Variants in RPS6KC1 observed in about 807,000 individuals in gnomAD.
RPS6KC1 encodes the protein inactive ribosomal protein S6 kinase delta-1.
RPS6KC1 carries 54 observed loss-of-function variants against 103.8 expected under a neutral mutation model. The observed-to-expected ratio is 0.52, with a 90% confidence interval of 0.42 to 0.65. The LOEUF is 0.65. RPS6KC1 is among the 30% of genes least tolerant of loss of function. The probability of loss-of-function intolerance (pLI) is 0.00; values close to 1 mark genes in which losing one functional copy is unlikely to be tolerated. For synonymous variants in RPS6KC1, 439 were observed against 438.7 expected (o/e 1.00, Z -0.01); for missense variants, 1,151 against 1,253.8 (o/e 0.92, Z 1.24).
chr1:213,401,491 G>T, the RPS6KC1 span, among the ~76,000 whole-genome samples: 1 of 152,222 alleles, frequency 6.6e-6, no homozygotes, highest in Admixed American at 6.5e-5. Flanking sequence ...GGCCGGTGGA[G>T]TGTGCTGTCT....
At chr1:213,536,851 A>G in the RPS6KC1 span, among the ~76,000 whole-genome samples, 5 of 152,308 alleles carry the variant, frequency 3.3e-5, no homozygotes, top group Admixed American at 3.3e-4. Context: ...CGAAGGAGAC[A>G]TGGCGTTTTA....
the RPS6KC1 span, among the ~76,000 whole-genome samples, chr1:213,293,997 A>C: frequency 6.6e-6 from 1 of 152,196 alleles, no homozygotes; most frequent in African/African-American, 2.4e-5. Flanking sequence ...CTTTGTTTAT[A>C]CTGAGCTTGA....
At chr1:213,311,020 C>T in the RPS6KC1 span, among the ~76,000 whole-genome samples, 5 of 152,194 alleles carry the variant, frequency 3.3e-5, no homozygotes, top group African/African-American at 1.2e-4. Context: ...GACACTCGTT[C>T]AGAGCCTCAG....
At chr1:213,819,763 TACC>T in the RPS6KC1 span, 1 of 152,360 alleles carries the variant, frequency 6.6e-6, no homozygotes, top group African/African-American at 2.4e-5. Flanking sequence ...ATTACTGAAA[TACC>T]ACCAAGCCTT....
At chr1:213,361,358 G>T in the RPS6KC1 span, among the ~76,000 whole-genome samples, 173 of 152,372 alleles carry the variant, frequency 1.1e-3, 2 homozygotes, top group East Asian at 0.026. Context: ...CTCTGAACCA[G>T]GAGCGGGATA....
intron 10 of RPS6KC1, among the ~76,000 whole-genome samples, chr1:213,232,766 G>C (rs1017102850): frequency 1.3e-5 from 2 of 152,148 alleles, no homozygotes; most frequent in Non-Finnish European, 1.5e-5. Flanking sequence ...CAAAGCAGAG[G>C]CACAGTTCTC....
intron 3 of RPS6KC1, among the ~76,000 whole-genome samples, chr1:213,091,059 G>A (rs544471386): frequency 9.6e-4 from 146 of 151,864 alleles, no homozygotes; most frequent in Non-Finnish European, 1.7e-3. Flanking sequence ...GAAAAAGGGA[G>A]GAGTGTTTTT....
intron 8 of RPS6KC1, among the ~76,000 whole-genome samples, chr1:213,195,566 C>T (rs2092914402): frequency 6.6e-6 from 1 of 152,162 alleles, no homozygotes; most frequent in Non-Finnish European, 1.5e-5. Flanking sequence ...ATCACCTGAG[C>T]ATTGTATACT....
the RPS6KC1 span, among the ~76,000 whole-genome samples, chr1:213,493,689 A>G: frequency 6.6e-6 from 1 of 152,298 alleles, no homozygotes; most frequent in East Asian, 1.9e-4. Flanking sequence ...CCCACACTTC[A>G]TCATTTTACA....
chr1:213,627,348 T>C, the RPS6KC1 span, among the ~76,000 whole-genome samples: 7 of 152,348 alleles, frequency 4.6e-5, no homozygotes, highest in Non-Finnish European at 1.0e-4. Context: ...TTTCTAGATA[T>C]ACAATCATGT....
chr1:213,675,965 C>G, the RPS6KC1 span, among the ~76,000 whole-genome samples: 5 of 152,190 alleles, frequency 3.3e-5, no homozygotes, highest in Non-Finnish European at 5.9e-5. Context: ...AGATAAAGTT[C>G]TAACTCAGCT....
the RPS6KC1 span, among the ~76,000 whole-genome samples, chr1:213,353,909 C>T: frequency 2.2e-4 from 34 of 152,250 alleles, no homozygotes; most frequent in South Asian, 1.5e-3. Flanking sequence ...GTGGAAAAGC[C>T]GAGGGAACAG....
intron 8 of RPS6KC1, among the ~76,000 whole-genome samples, chr1:213,219,076 A>T (rs1056222181): frequency 6.6e-6 from 1 of 152,218 alleles, no homozygotes; most frequent in Non-Finnish European, 1.5e-5. Flanking sequence ...TGAACAGCCA[A>T]CCTACAGAAT....
intron 4 of RPS6KC1, among the ~76,000 whole-genome samples, chr1:213,115,230 A>C (rs1043512192): frequency 8.3e-4 from 126 of 151,770 alleles, no homozygotes; most frequent in East Asian, 4.7e-3. Flanking sequence ...ACAATTTCAG[A>C]TCCTGTTATT....
intron 14 of RPS6KC1, among the ~76,000 whole-genome samples, chr1:213,269,016 A>G (rs2094978248): frequency 6.6e-6 from 1 of 152,218 alleles, no homozygotes; most frequent in Admixed American, 6.5e-5. Flanking sequence ...TAAAGTGAAT[A>G]TCTAAACATG....
the RPS6KC1 span, among the ~76,000 whole-genome samples, chr1:213,695,130 G>A: frequency 6.6e-6 from 1 of 152,208 alleles, no homozygotes; most frequent in African/African-American, 2.4e-5. Flanking sequence ...AACACTGCCT[G>A]CCACATAGTA....
the RPS6KC1 span, among the ~76,000 whole-genome samples, chr1:213,780,442 C>T: frequency 6.6e-6 from 1 of 152,142 alleles, no homozygotes; most frequent in Non-Finnish European, 1.5e-5. Context: ...CTAATGCTAC[C>T]CAAATAGGAG....
chr1:213,241,676 C>G lies in RPS6KC1; in HGVS notation c.2200C>G (p.Leu734Val). The part of the protein sequence containing the change: ...KLLEAPDVLC[L>V]RLSTEQCQAH... ...CTTGGAAGCCCCTGATGTTTTATGC[C>G]TCAGGCTTAGTACTGAACAATGCCA... Residue 734 changes from leucine to valine, a missense_variant, in exon 11 of 15, where the codon CTC (leucine) becomes GTC (valine). Leu to Val is a conservative substitution (Grantham distance 32). Around this residue, in one of 3 missense-constraint regions of RPS6KC1, gnomAD observed 959 missense variants for 1,006.3 expected, o/e 0.95. Transcript: ENST00000366960. 1.2e-6 allele frequency: 2 copies of G among 1,613,850 alleles called. No homozygotes were observed. The highest frequency in any genetic ancestry group is 1.7e-5 in the Admixed American group (1 of 59,924).
the RPS6KC1 span, among the ~76,000 whole-genome samples, chr1:213,849,683 T>C: frequency 2.0e-5 from 3 of 152,196 alleles, no homozygotes; most frequent in South Asian, 2.1e-4. Context: ...ATTAAATTAA[T>C]ATATCTATTC....
Sources: allele counts gnomAD v4.1 joint callset (sites outside exome capture counted in the v4.1 genomes callset), GRCh38; gene constraint gnomAD v4.1.1; regional missense constraint gnomAD v4.1.1; transcripts MANE v1.5; gene names NCBI Gene and HGNC (gene_info 2026-07-23, HGNC 2026-07-21).